Variants in CSMD2 observed in about 807,000 individuals in gnomAD.
CSMD2 encodes CUB and sushi domain-containing protein 2.
In CSMD2, 130 loss-of-function variants were observed where a neutral mutation model predicts 398.5. The observed-to-expected ratio is 0.33, with a 90% CI of 0.28 to 0.38. CSMD2 has a LOEUF of 0.38. CSMD2 is among the 10% of genes least tolerant of loss of function. The pLI, the probability that CSMD2 is intolerant of heterozygous loss-of-function variation, is 1.00. For missense variants in CSMD2, 3,829 were observed against 4,764.9 expected, an observed-to-expected ratio of 0.80 and a Z score of 5.78; for synonymous variants, 1,828 against 1,908.5, an observed-to-expected ratio of 0.96 and a Z score of 1.10.
rs1659693788 is a variant in CSMD2 at position 33,572,555 on chromosome 1, A to C, written c.7713T>G (p.Cys2571Trp). 1.2e-6 allele frequency: 2 copies of C among 1,613,880 alleles called. No individual in the cohort carries two copies. The change falls in exon 50 of 71, where the codon TGT becomes TGG. Residue 2571 changes from cysteine to tryptophan, a missense_variant. Physicochemically the swap from Cys to Trp is radical, Grantham distance 215. This residue lies in a region of CSMD2 where 723 missense variants were observed against 758.6 expected (regional missense o/e 0.95). Transcript: ENST00000373381. ...GGTTGCTCCATAGGCCTGTGTCCAG[A>C]CACTCTGCAGTGGCCTCAGCGCCTG... Reference protein sequence around the residue: ...LQAGAEATAECLDTGLWSNRN... With the variant: ...LQAGAEATAEWLDTGLWSNRN...
intron 25 of CSMD2, among the ~76,000 whole-genome samples, chr1:33,674,637 C>A (rs1210726973): frequency 6.6e-6 from 1 of 152,222 alleles, no homozygotes; most frequent in Non-Finnish European, 1.5e-5. Flanking sequence ...CTCTCCACCC[C>A]AAATCAACAG....
intron 5 of CSMD2, among the ~76,000 whole-genome samples, chr1:33,876,079 A>T (rs1640821003): frequency 6.6e-6 from 1 of 152,206 alleles, no homozygotes; most frequent in South Asian, 2.1e-4. Flanking sequence ...TCTCCTTCTC[A>T]GCAGGCCCTG....
intron 10 of CSMD2, among the ~76,000 whole-genome samples, chr1:33,804,165 G>A (rs1655949512): frequency 6.6e-6 from 1 of 152,210 alleles, no homozygotes; most frequent in Non-Finnish European, 1.5e-5. Context: ...CTTAGAGCTT[G>A]TAATGGGACA....
At position 33,716,368 on chromosome 1, in the gene CSMD2, C is replaced by T. The variant is rs750951826; in HGVS notation, c.3135G>A (p.Gly1045=). The part of the protein sequence containing the change: ...GSRLPAPISA[G]LYGNFTAQVR... Reference sequence around the variant, plus strand: ...CCTGGGCAGTGAAGTTGCCATAGAGCCCAGCGCTGATGGGAGCTGGCAGCC... The same window carrying T: ...CCTGGGCAGTGAAGTTGCCATAGAGTCCAGCGCTGATGGGAGCTGGCAGCC... The change falls in exon 20 of 71, where the codon GGG becomes GGA. Residue 1045 remains glycine, a synonymous_variant. Coordinates refer to ENST00000373381, the MANE Select transcript of CSMD2 (RefSeq NM_001281956.2). The T allele has an allele frequency of 1.9e-5, 31 of 1,613,998 alleles. No individual in the cohort carries two copies. The highest frequency in any genetic ancestry group is 2.5e-5 in the Non-Finnish European group (30 of 1,180,032).
chr1:33,515,659 C>G lies in CSMD2; in HGVS notation c.*965G>C. 6.6e-6 allele frequency: 1 copy of G among 152,170 alleles called. No individual in the cohort carries two copies. Among genetic ancestry groups the G allele is most frequent in the South Asian group, 2.1e-4 (1 of 4,818 alleles). 9.4% of individuals were successfully genotyped at this position (152,170 alleles called of 1,614,324 possible). On this transcript the variant is annotated 3_prime_UTR_variant, in exon 71 of 71. Transcript: ENST00000373381. ...TAAAGTGTCAGGCACAGAGAATAACCCCAGTACATGATAGCCATTGTTTTT... is the reference window on the plus strand; with the variant it reads ...TAAAGTGTCAGGCACAGAGAATAACGCCAGTACATGATAGCCATTGTTTTT...
At chr1:34,082,771 C>A (rs971871778) in intron 2 of CSMD2, among the ~76,000 whole-genome samples, 7 of 152,030 alleles carry the variant, frequency 4.6e-5, no homozygotes, top group African/African-American at 1.7e-4. Flanking sequence ...AACCTTACCC[C>A]CAACCCCGTG....
intron 3 of CSMD2, among the ~76,000 whole-genome samples, chr1:34,011,250 T>G (rs1369775039): frequency 6.6e-6 from 1 of 152,178 alleles, no homozygotes; most frequent in Non-Finnish European, 1.5e-5. Context: ...TCCCTTCTTT[T>G]TCCCACCAGA....
chr1:33,705,637 TG>T (rs1036845989), intron 22 of CSMD2, among the ~76,000 whole-genome samples: 3 of 151,972 alleles, frequency 2.0e-5, no homozygotes, highest in East Asian at 1.9e-4. Flanking sequence ...TAATGGTCAT[TG>T]TTTTTTTTTC....
In CSMD2 at chr1:33,724,494, G is replaced by A. The variant is rs370852901; in HGVS notation, c.2884+22C>T. Reference sequence around the variant, plus strand: ...CAGGAGAGGAGTCTGCTACTTTAGCGCCCCCTCATGGTGTCCCTCACCTTC... The same window carrying A: ...CAGGAGAGGAGTCTGCTACTTTAGCACCCCCTCATGGTGTCCCTCACCTTC... On this transcript the variant is annotated intron_variant, in intron 18 of 70. Coordinates refer to ENST00000373381, the MANE Select transcript of CSMD2 (RefSeq NM_001281956.2). The A allele has an allele frequency of 5.0e-6, 8 of 1,606,174 alleles. No individual in the cohort carries two copies. The African/African-American group carries it at 6.7e-5, about 13-fold the overall frequency.
At chr1:33,697,246 G>T (rs1176309186) in intron 24 of CSMD2, among the ~76,000 whole-genome samples, 1 of 152,208 alleles carries the variant, frequency 6.6e-6, no homozygotes, top group Non-Finnish European at 1.5e-5. Flanking sequence ...GGCATTATAC[G>T]GTTGTGTGTT....
intron 10 of CSMD2, among the ~76,000 whole-genome samples, chr1:33,807,111 G>A (rs535621211): frequency 6.6e-6 from 1 of 152,282 alleles, no homozygotes; most frequent in East Asian, 1.9e-4. Flanking sequence ...CCAGAAGGAT[G>A]CTATACAAAG....
At chr1:33,714,883 G>A (rs1008885749) in intron 20 of CSMD2, 108 bp from the exon 21 acceptor site, 5 of 1,070,154 alleles carry the variant, frequency 4.7e-6, no homozygotes, top group Middle Eastern at 6.0e-4. Context: ...CAGGGACAAC[G>A]AAAGACAGAG....
At chr1:33,700,381 T>A in intron 23 of CSMD2, 136 bp downstream of exon 23, 1 of 852,210 alleles carries the variant, frequency 1.2e-6, no homozygotes. Context: ...ATGCATCCAC[T>A]GATGGATACA....
At chr1:33,565,399 GCAAA>G (rs551993138) in intron 53 of CSMD2, among the ~76,000 whole-genome samples, 73 of 151,778 alleles carry the variant, frequency 4.8e-4, no homozygotes, top group African/African-American at 1.7e-3. Context: ...AGAAAAACAC[GCAAA>G]CAAACAAAAA....
chr1:33,626,554 T>C lies in CSMD2; in HGVS notation c.5228A>G (p.Asn1743Ser), dbSNP rs766318849. ...TGESLPLATS[N>S]QVLIKFSAKG... ...GGCGCTGAACTTAATGAGAACTTGA[T>C]TGGAGGTGGCCAAGGGCAGTGATTC... Residue 1743 changes from asparagine to serine, a missense_variant, in exon 33 of 71, where the codon AAT becomes AGT. Asn to Ser is a conservative substitution (Grantham distance 46). This residue lies in a region of CSMD2 where 2,001 missense variants were observed against 2,567.1 expected (regional missense o/e 0.78). Transcript: ENST00000373381. The C allele has an allele frequency of 6.2e-7, 1 of 1,605,932 alleles. No individual in the cohort carries two copies. Among genetic ancestry groups the C allele is most frequent in the Non-Finnish European group, 8.5e-7 (1 of 1,176,760 alleles).
At chr1:33,705,843 T>C (rs2149136711) in intron 22 of CSMD2, among the ~76,000 whole-genome samples, 1 of 152,176 alleles carries the variant, frequency 6.6e-6, no homozygotes, top group East Asian at 1.9e-4. Context: ...TCCTATATCT[T>C]TGATTATGTC....
chr1:33,707,717 AC>A (rs1557765052), intron 22 of CSMD2, among the ~76,000 whole-genome samples: 2 of 149,286 alleles, frequency 1.3e-5, no homozygotes, highest in African/African-American at 2.5e-5. Flanking sequence ...ACACACACAC[AC>A]ACACACACAC....
chr1:34,140,279 G>T (rs1639146033), intron 1 of CSMD2, among the ~76,000 whole-genome samples: 1 of 138,086 alleles, frequency 7.2e-6, no homozygotes, highest in African/African-American at 2.6e-5. Flanking sequence ...TCCAGACAGA[G>T]GAATCGGCAT....
chr1:34,028,540 T>C (rs1261575892), intron 3 of CSMD2, among the ~76,000 whole-genome samples: 5 of 152,160 alleles, frequency 3.3e-5, no homozygotes, highest in Non-Finnish European at 7.3e-5. Context: ...CTCTGGCTTA[T>C]CTCCAGTTTA....
Sources: allele counts gnomAD v4.1 joint callset (sites outside exome capture counted in the v4.1 genomes callset), GRCh38; gene constraint gnomAD v4.1.1; regional missense constraint gnomAD v4.1.1; transcripts MANE v1.5; gene names NCBI Gene and HGNC (gene_info 2026-07-23, HGNC 2026-07-21).